The following DCDC1 variants were observed in gnomAD, a reference collection of about 807,000 sequenced individuals.
DCDC1 encodes doublecortin domain-containing protein 1.
A neutral mutation model predicts 178.3 loss-of-function variants in DCDC1; 200 were observed. The ratio of observed to expected loss-of-function variants is 1.12; its 90% CI spans 1.00 to 1.26. The LOEUF (loss-of-function observed/expected upper bound fraction) is 1.26, where lower values mean the gene tolerates loss of function less well. DCDC1 is among the 50% of genes most tolerant of loss of function. The probability of loss-of-function intolerance (pLI) is 0.00; values close to 1 mark genes in which losing one functional copy is unlikely to be tolerated. For missense variants in DCDC1, 1,983 were observed against 1,749.2 expected, an observed-to-expected ratio of 1.13 and a Z score of -2.38; for synonymous variants, 690 against 604.8, an observed-to-expected ratio of 1.14 and a Z score of -2.07.
At chr11:31,331,399 C>T (rs1949980049) in intron 2 of DCDC1, among the ~76,000 whole-genome samples, 1 of 152,154 alleles carries the variant, frequency 6.6e-6, no homozygotes, top group Admixed American at 6.5e-5. Flanking sequence ...ATTGCCCTGG[C>T]CAGACTTTCC....
chr11:30,949,859 G>T (rs948359690), intron 21 of DCDC1, among the ~76,000 whole-genome samples: 1 of 150,450 alleles, frequency 6.6e-6, no homozygotes, highest in African/African-American at 2.4e-5. Context: ...CTGTCGGGGG[G>T]TGGGGGCTAG....
At chr11:30,946,435 G>A (rs958361103) in intron 21 of DCDC1, among the ~76,000 whole-genome samples, 1 of 152,158 alleles carries the variant, frequency 6.6e-6, no homozygotes, top group Non-Finnish European at 1.5e-5. Context: ...CACTGGCTTA[G>A]ACTGCCCACC....
intron 20 of DCDC1, among the ~76,000 whole-genome samples, chr11:31,047,442 T>C (rs1954919471): frequency 6.6e-6 from 1 of 152,182 alleles, no homozygotes; most frequent in Admixed American, 6.5e-5. Flanking sequence ...TATATTTTTT[T>C]CTGTTCATTA....
At chr11:31,110,888 G>A (rs1959158263) in intron 11 of DCDC1, among the ~76,000 whole-genome samples, 1 of 152,134 alleles carries the variant, frequency 6.6e-6, no homozygotes, top group Non-Finnish European at 1.5e-5. Flanking sequence ...ACAGTGTGAT[G>A]AAAGTCATCC....
chr11:31,086,730 T>C (rs916832994), intron 17 of DCDC1, among the ~76,000 whole-genome samples: 2 of 152,162 alleles, frequency 1.3e-5, no homozygotes, highest in Non-Finnish European at 1.5e-5. Flanking sequence ...TCTTAAGCTA[T>C]TCTTGCACTC....
chr11:30,993,949 A>T (rs922363121), intron 20 of DCDC1, among the ~76,000 whole-genome samples: 8 of 152,278 alleles, frequency 5.3e-5, no homozygotes, highest in Admixed American at 4.6e-4. Flanking sequence ...AACTCATTTT[A>T]CGAGCCAGCA....
chr11:31,012,096 G>A lies in DCDC1; in HGVS notation c.2591+52373C>T, dbSNP rs141977449. Among the ~76,000 whole-genome samples the A allele has an allele frequency of 2.8e-3, 428 of 152,174 alleles. 1 individual carries two copies. Among genetic ancestry groups the A allele is most frequent in the African/African-American group, 9.7e-3 (404 of 41,520 alleles). ...CCTGCTCCAGCCGTGTAAGACATGC[G>A]TCTTCCTCTTCACCTTCTGCCATGA... On this transcript the variant is annotated intron_variant, in intron 20 of 38. Coordinates refer to ENST00000684477, the MANE Select transcript of DCDC1 (RefSeq NM_001387274.1).
At position 31,020,418 on chromosome 11, in the gene DCDC1, A is replaced by G. The variant is rs78280042; in HGVS notation, c.2591+44051T>C. Among the ~76,000 whole-genome samples the G allele has an allele frequency of 2.1e-3, 319 of 152,148 alleles. 12 individuals are homozygous for G. The East Asian group carries it at 0.055, about 26-fold the overall frequency. On this transcript the variant is annotated intron_variant, in intron 20 of 38. Transcript: ENST00000684477. ...AAAAACAAAAACAGCACCCATGACA[A>G]CTCTAAAACACACATTAAAAAAGAT...
chr11:30,921,991 G>A (rs1260754687), intron 24 of DCDC1, among the ~76,000 whole-genome samples: 2 of 152,154 alleles, frequency 1.3e-5, no homozygotes, highest in Non-Finnish European at 2.9e-5. Flanking sequence ...ACAGGAAGCA[G>A]AGAGAAGGCT....
At chr11:30,962,905 T>C (rs1949192027) in intron 20 of DCDC1, among the ~76,000 whole-genome samples, 1 of 152,090 alleles carries the variant, frequency 6.6e-6, no homozygotes. Flanking sequence ...TGCAACTCAG[T>C]AGTCTCTACA....
intron 20 of DCDC1, among the ~76,000 whole-genome samples, chr11:30,966,312 T>C (rs61878162): frequency 1.7e-3 from 111 of 66,466 alleles, no homozygotes; most frequent in East Asian, 7.8e-3. Context: ...TGTGAAATGA[T>C]ATCTCATAGT....
chr11:31,118,402 A>C (rs1391424567), intron 11 of DCDC1, among the ~76,000 whole-genome samples: 1 of 152,164 alleles, frequency 6.6e-6, no homozygotes, highest in Non-Finnish European at 1.5e-5. Flanking sequence ...ACTAGGTAGA[A>C]TCTTAAGTAG....
intron 21 of DCDC1, among the ~76,000 whole-genome samples, chr11:30,937,977 C>T (rs1226100445): frequency 6.6e-6 from 1 of 152,148 alleles, no homozygotes. Flanking sequence ...CCCTTTGTCA[C>T]TTGCATCCAC....
chr11:31,088,323 A>G (rs980602757), intron 17 of DCDC1, among the ~76,000 whole-genome samples: 1 of 152,092 alleles, frequency 6.6e-6, no homozygotes, highest in Non-Finnish European at 1.5e-5. Flanking sequence ...AATTATTGAT[A>G]CACGTGGCTT....
chr11:31,213,110 T>TCTCTCTCC (rs1972882205), intron 9 of DCDC1, among the ~76,000 whole-genome samples: 15 of 36,310 alleles, frequency 4.1e-4, no homozygotes, highest in African/African-American at 1.5e-3. Flanking sequence ...CCTCTCTCTC[T>TCTCTCTCC]CTCTCTCTCT....
chr11:30,932,535 T>C (rs1334264845), intron 21 of DCDC1, among the ~76,000 whole-genome samples: 1 of 152,218 alleles, frequency 6.6e-6, no homozygotes, highest in Non-Finnish European at 1.5e-5. Context: ...CCATATATTC[T>C]AGGCATGATA....
chr11:30,970,751 G>GCCA (rs772256306), intron 20 of DCDC1, among the ~76,000 whole-genome samples: 64 of 152,274 alleles, frequency 4.2e-4, no homozygotes, highest in East Asian at 1.9e-3. Context: ...CCACAGCACA[G>GCCA]CCACTGATCC....
rs1022429976 is a variant in DCDC1, at chr11:31,203,207, T to C, written c.1221+38243A>G. Among the ~76,000 whole-genome samples, 4 of 152,278 alleles carry C rather than the reference T, an allele frequency of 2.6e-5. No individual in the cohort carries two copies. The South Asian group carries it at 6.2e-4, about 24-fold the overall frequency. ...GAATCAATCTAGATGAAATAAACAT[T>C]ATAGTATGCTGTAAGAGATAAATGA... On this transcript the variant is annotated intron_variant, in intron 9 of 38. Transcript: ENST00000684477.
At chr11:31,035,410 A>C (rs1953958614) in intron 20 of DCDC1, among the ~76,000 whole-genome samples, 1 of 152,218 alleles carries the variant, frequency 6.6e-6, no homozygotes, top group South Asian at 2.1e-4. Context: ...ACCTGTGATA[A>C]TTTGTCAGTA....
Sources: gnomAD v4.1 joint callset for allele counts (sites outside exome capture counted in the v4.1 genomes callset) on GRCh38, gnomAD v4.1.1 for gene constraint, MANE v1.5 for transcripts, NCBI Gene and HGNC (gene_info 2026-07-23, HGNC 2026-07-21) for gene names.